The following ELP4 variants were observed in gnomAD, a reference collection of about 807,000 sequenced individuals.
ELP4 encodes the protein elongator complex protein 4.
In ELP4, 51 loss-of-function variants were observed where a neutral mutation model predicts 48.9. The ratio of observed to expected loss-of-function variants is 1.04; its 90% CI spans 0.83 to 1.32. ELP4 has a LOEUF of 1.32. Among genes scored for constraint, ELP4 ranks in the 40% most tolerant of loss-of-function variants. ELP4 has a pLI of 0.00. For synonymous variants in ELP4, 210 were observed against 189.2 expected, an observed-to-expected ratio of 1.11 and a Z score of -0.90; for missense variants, 519 against 514.6, an observed-to-expected ratio of 1.01 and a Z score of -0.08.
At chr11:31,624,417 G>T (rs1944696542) in intron 5 of ELP4, among the ~76,000 whole-genome samples, 1 of 151,496 alleles carries the variant, frequency 6.6e-6, no homozygotes, top group East Asian at 1.9e-4. Flanking sequence ...CACAGAAAAG[G>T]TTCAGTAAAT....
intron 4 of ELP4, among the ~76,000 whole-genome samples, chr11:31,597,364 A>T (rs1334126804): frequency 6.6e-6 from 1 of 152,192 alleles, no homozygotes; most frequent in Non-Finnish European, 1.5e-5. Flanking sequence ...CCTAGCTTGG[A>T]TGTGAACGAG....
chr11:31,678,997 T>C (rs1044730615), intron 9 of ELP4, among the ~76,000 whole-genome samples: 2 of 152,204 alleles, frequency 1.3e-5, no homozygotes, highest in Non-Finnish European at 2.9e-5. Context: ...ATTGTTTTAG[T>C]TTGCAATTTT....
chr11:31,715,242 A>G (rs1946821577), intron 9 of ELP4: 1 of 153,876 alleles, frequency 6.5e-6, no homozygotes, highest in Non-Finnish European at 1.4e-5. Context: ...AATGCTTAAT[A>G]AAATTAGTCT....
chr11:31,600,485 A>T (rs1409180866), intron 4 of ELP4: 2 of 152,168 alleles, frequency 1.3e-5, no homozygotes, highest in African/African-American at 4.8e-5. Flanking sequence ...GCCCTGTGGT[A>T]GATGTGTATA....
intron 3 of ELP4, among the ~76,000 whole-genome samples, chr11:31,587,280 C>T (rs1354639685): frequency 6.6e-6 from 1 of 152,110 alleles, no homozygotes; most frequent in East Asian, 1.9e-4. Flanking sequence ...ATGTTAACAA[C>T]CTAAACTAAG....
intron 9 of ELP4, among the ~76,000 whole-genome samples, chr11:31,774,516 A>G (rs943351230): frequency 6.6e-6 from 1 of 152,164 alleles, no homozygotes; most frequent in African/African-American, 2.4e-5. Flanking sequence ...CTTCTTGCAG[A>G]TTCTATAACT....
intron 9 of ELP4, among the ~76,000 whole-genome samples, chr11:31,761,109 T>C (rs959708387): frequency 2.0e-5 from 3 of 152,140 alleles, no homozygotes; most frequent in African/African-American, 4.8e-5. Context: ...ACGCCTGTAA[T>C]CCCACCACTT....
At chr11:31,532,518 A>C (rs1015672408) in intron 2 of ELP4, among the ~76,000 whole-genome samples, 4 of 152,216 alleles carry the variant, frequency 2.6e-5, no homozygotes, top group East Asian at 3.9e-4. Flanking sequence ...TAAATCACTC[A>C]GTTTTTTTAA....
intron 1 of ELP4, among the ~76,000 whole-genome samples, chr11:31,513,146 T>G (rs947719727): frequency 2.0e-5 from 3 of 152,174 alleles, no homozygotes; most frequent in Non-Finnish European, 4.4e-5. Context: ...GACTACATAT[T>G]TAACACAATC....
At chr11:31,576,044 C>G (rs1487939786) in intron 3 of ELP4, among the ~76,000 whole-genome samples, 1 of 152,032 alleles carries the variant, frequency 6.6e-6, no homozygotes, top group Non-Finnish European at 1.5e-5. Flanking sequence ...TTCAGGAGAC[C>G]CATCTCACAT....
intron 9 of ELP4, among the ~76,000 whole-genome samples, chr11:31,734,448 A>G (rs182419195): frequency 1.1e-3 from 174 of 152,342 alleles, no homozygotes; most frequent in Admixed American, 3.6e-3. Flanking sequence ...GACATCTTAT[A>G]TGTAGAAAAC....
intron 9 of ELP4, among the ~76,000 whole-genome samples, chr11:31,725,278 G>A (rs147164159): frequency 1.2e-3 from 176 of 152,288 alleles, no homozygotes; most frequent in African/African-American, 4.0e-3. Context: ...ACAGTGGTGT[G>A]CCTCACCAGC....
intron 9 of ELP4, among the ~76,000 whole-genome samples, chr11:31,756,600 G>C (rs1947836987): frequency 6.6e-6 from 1 of 152,086 alleles, no homozygotes; most frequent in Non-Finnish European, 1.5e-5. Flanking sequence ...ACCTTCTTAA[G>C]GACAAGGATT....
intron 5 of ELP4, among the ~76,000 whole-genome samples, chr11:31,611,593 C>G (rs189323651): frequency 2.0e-4 from 30 of 152,280 alleles, no homozygotes; most frequent in African/African-American, 6.7e-4. Flanking sequence ...GTCCAATCTA[C>G]TGAAGTAAGT....
In ELP4 at chr11:31,518,234, G is replaced by A. The variant is rs966798704; in HGVS notation, c.224-1822G>A. Reference sequence around the variant, plus strand: ...CGATTCTCCTGCCTCAGCCTCCTGCGTAGCTGGGATTACAGGCATGGGCCA... The same window carrying A: ...CGATTCTCCTGCCTCAGCCTCCTGCATAGCTGGGATTACAGGCATGGGCCA... On this transcript the variant is annotated intron_variant, in intron 1 of 9. Coordinates refer to ENST00000640961, the MANE Select transcript of ELP4 (RefSeq NM_019040.5). Among the ~76,000 whole-genome samples, 7 of 151,450 alleles carry A rather than the reference G, an allele frequency of 4.6e-5. No individual in the cohort carries two copies. In the South Asian group the frequency reaches 6.2e-4, roughly 14 times the overall value.
chr11:31,623,177 A>C (rs1453670929), intron 5 of ELP4, among the ~76,000 whole-genome samples: 1 of 150,444 alleles, frequency 6.6e-6, no homozygotes, highest in Non-Finnish European at 1.5e-5. Context: ...GAATGTTTGG[A>C]AACATTAATA....
Position 31,575,875 on chromosome 11 carries a change from G to C in ELP4, c.382-18895G>C, listed in dbSNP as rs144722595. Among the ~76,000 whole-genome samples the C allele has an allele frequency of 3.5e-3, 529 of 152,258 alleles. 1 individual carries two copies. The highest frequency in any genetic ancestry group is 6.4e-3 in the Non-Finnish European group (432 of 68,018). ...AGACCACCAATGCTAGGAAGAAACT[G>C]CATTAACTAACGAGCAAAATAATGA... On this transcript the variant is annotated intron_variant, in intron 3 of 9. Coordinates refer to ENST00000640961, the MANE Select transcript of ELP4 (RefSeq NM_019040.5).
chr11:31,697,897 AAAAGTT>A (rs1946443277), intron 9 of ELP4, among the ~76,000 whole-genome samples: 1 of 152,170 alleles, frequency 6.6e-6, no homozygotes, highest in Non-Finnish European at 1.5e-5. Flanking sequence ...TTGAGAAAGA[AAAAGTT>A]AAAAAAAAAC....
chr11:31,516,205 T>C (rs1956108159), intron 1 of ELP4, among the ~76,000 whole-genome samples: 1 of 152,166 alleles, frequency 6.6e-6, no homozygotes, highest in African/African-American at 2.4e-5. Flanking sequence ...CTCAGGAGGT[T>C]AGATAAGAAA....
Sources: allele counts gnomAD v4.1 joint callset (sites outside exome capture counted in the v4.1 genomes callset), GRCh38; gene constraint gnomAD v4.1.1; transcripts MANE v1.5; gene names NCBI Gene and HGNC (gene_info 2026-07-23, HGNC 2026-07-21).